GNE: variants seen among roughly 807,000 people sequenced by gnomAD.
GNE encodes glucosamine (UDP-N-acetyl)-2-epimerase/N-acetylmannosamine kinase.
GNE carries 41 observed loss-of-function variants against 61.8 expected under a neutral mutation model. The ratio of observed to expected loss-of-function variants is 0.66; its 90% CI spans 0.52 to 0.86. The LOEUF is 0.86. Ranked by LOEUF, GNE falls within the 40% of genes least tolerant of loss-of-function variation. GNE has a pLI of 0.00. For missense variants in GNE, 608 were observed against 909.1 expected (o/e 0.67, Z 4.26); for synonymous variants, 264 against 326.4 (o/e 0.81, Z 2.06).
rs147290887 is a variant in GNE at position 36,249,254 on chromosome 9, G to T, written c.102C>A (p.Thr34=). Residue 34 remains threonine, a synonymous_variant, in exon 2 of 12, where the codon ACC becomes ACA. Coordinates refer to ENST00000642385, the MANE Select transcript of GNE (RefSeq NM_005476.7). ...KLAPIMFGIK[T]EPEFFELDVV... ...CATCAAGTTCAAAGAACTCAGGTTC[G>T]GTTTTAATGCCAAACATGATCGGGG... is the stretch of plus-strand genomic sequence containing the variant. 9 of 1,614,004 alleles carry T rather than the reference G, an allele frequency of 5.6e-6. No individual in the cohort carries two copies. The African/African-American group carries it at 1.2e-4, about 22-fold the overall frequency.
rs531361508 is a variant in GNE at position 36,246,787 on chromosome 9, G to C, written c.165-305C>G. ...GGGTTCAAGCGATTCTCCTGCCTCA[G>C]CCTCCTGCGTAGCTGGGATTACAGG... is the stretch of plus-strand genomic sequence containing the variant. On this transcript the variant is annotated intron_variant, in intron 2 of 11. Coordinates refer to ENST00000642385, the MANE Select transcript of GNE (RefSeq NM_005476.7). Among the ~76,000 whole-genome samples, 418 of 149,758 alleles carry C rather than the reference G, an allele frequency of 2.8e-3. 1 individual carries two copies. The highest frequency in any genetic ancestry group is 9.4e-3 in the African/African-American group (384 of 40,682).
At chr9:36,248,081 C>T (rs1221842689) in intron 2 of GNE, among the ~76,000 whole-genome samples, 1 of 149,732 alleles carries the variant, frequency 6.7e-6, no homozygotes, top group Non-Finnish European at 1.5e-5. Context: ...CATTAAGTTT[C>T]TTCTCTACTC....
At chr9:36,242,093 G>T (rs1206348247) in intron 3 of GNE, among the ~76,000 whole-genome samples, 8 of 151,696 alleles carry the variant, frequency 5.3e-5, no homozygotes, top group Admixed American at 5.3e-4. Flanking sequence ...TCGAGACTGC[G>T]CTAATGCACT....
chr9:36,217,556 T>G lies in GNE; in HGVS notation c.1978A>C (p.Met660Leu). 1 of 1,614,108 alleles carries G rather than the reference T, an allele frequency of 6.2e-7. No individual in the cohort carries two copies. Among genetic ancestry groups the G allele is most frequent in the Non-Finnish European group, 8.5e-7 (1 of 1,179,954 alleles). ...GAGAGGATCACAAGGGAGGGATTCA[T>G]GGTATGGAGGATGTTCACAACCCCA... ...GLGVVNILHTMNPSLVILSGV... is the reference protein window; with the variant it reads ...GLGVVNILHTLNPSLVILSGV... Residue 660 changes from methionine to leucine, a missense_variant, in exon 12 of 12, where the codon ATG becomes CTG. Transcript: ENST00000642385.
At chr9:36,225,595 A>C (rs561404276) in intron 7 of GNE, among the ~76,000 whole-genome samples, 1 of 152,190 alleles carries the variant, frequency 6.6e-6, no homozygotes, top group Non-Finnish European at 1.5e-5. Flanking sequence ...AGATCACGCC[A>C]CTGCACTCCA....
At chr9:36,271,943 G>A (rs1447542184) in intron 1 of GNE, among the ~76,000 whole-genome samples, 3 of 152,094 alleles carry the variant, frequency 2.0e-5, no homozygotes, top group Non-Finnish European at 2.9e-5. Context: ...GTCAAAGGAG[G>A]ATCACATCTT....
At chr9:36,273,165 G>C (rs1265583302) in intron 1 of GNE, among the ~76,000 whole-genome samples, 2 of 152,010 alleles carry the variant, frequency 1.3e-5, no homozygotes, top group Non-Finnish European at 2.9e-5. Context: ...TTGAGGATCT[G>C]GAGGAAGATA....
At chr9:36,261,206 C>T (rs1468690474), upstream of GNE, among the ~76,000 whole-genome samples, 1 of 152,316 alleles carries the variant, frequency 6.6e-6, no homozygotes, top group Middle Eastern at 3.4e-3. Context: ...GTCCTGGTCA[C>T]ATCTGCAAAG....
At chr9:36,256,761 AT>A (rs986758197) in intron 1 of GNE, among the ~76,000 whole-genome samples, 2 of 152,190 alleles carry the variant, frequency 1.3e-5, no homozygotes, top group Admixed American at 6.5e-5. Context: ...AACAGTAAAC[AT>A]TTGCTGAGCG....
chr9:36,251,984 A>ACC (rs1401154516), intron 1 of GNE, among the ~76,000 whole-genome samples: 1 of 104,534 alleles, frequency 9.6e-6, no homozygotes, highest in African/African-American at 3.9e-5. Context: ...GCACTATCTG[A>ACC]TCTTTTTTTT....
At chr9:36,276,521 A>T (rs1831267752) in intron 1 of GNE, among the ~76,000 whole-genome samples, 1 of 152,216 alleles carries the variant, frequency 6.6e-6, no homozygotes, top group Admixed American at 6.5e-5. Flanking sequence ...ATGTTTCAAA[A>T]GGGAAGGAAA....
chr9:36,251,535 C>G (rs999320776), intron 1 of GNE, among the ~76,000 whole-genome samples: 3 of 152,238 alleles, frequency 2.0e-5, no homozygotes, highest in East Asian at 3.9e-4. Flanking sequence ...GCAACCCCCC[C>G]ACCTCAGCCT....
chr9:36,241,947 C>A (rs926657635), intron 3 of GNE, among the ~76,000 whole-genome samples: 1 of 151,894 alleles, frequency 6.6e-6, no homozygotes, highest in Non-Finnish European at 1.5e-5. Context: ...ACGAACTTGG[C>A]GAACATGATG....
In GNE at chr9:36,214,621, A is replaced by G. The variant is rs983592041; in HGVS notation, c.*2744T>C. The G allele has an allele frequency of 1.2e-4, 18 of 152,342 alleles. 1 individual carries two copies. Among genetic ancestry groups the G allele is most frequent in the African/African-American group, 3.8e-4 (16 of 41,586 alleles). The allele number at this position is 152,342 out of a possible 1,614,324, so 9.4% of individuals were successfully genotyped here. ...AATATTTGGTTTTAGATTCAATACCATCCTTTCAAATATTTGGTATGAAAC... is the reference window on the plus strand; with the variant it reads ...AATATTTGGTTTTAGATTCAATACCGTCCTTTCAAATATTTGGTATGAAAC... On this transcript the variant is annotated 3_prime_UTR_variant, in exon 12 of 12. Transcript: ENST00000642385.
upstream of GNE, among the ~76,000 whole-genome samples, chr9:36,261,192 C>G (rs764426220): frequency 1.3e-5 from 2 of 152,164 alleles, no homozygotes; most frequent in Non-Finnish European, 2.9e-5. Context: ...TTTTCCCTCT[C>G]AAAGTCCTGG....
intron 5 of GNE, among the ~76,000 whole-genome samples, chr9:36,232,873 G>A (rs1190648989): frequency 6.6e-6 from 1 of 152,174 alleles, no homozygotes; most frequent in East Asian, 1.9e-4. Flanking sequence ...CATGGTAGGT[G>A]TTTACTAAAT....
In GNE at chr9:36,247,738, A is replaced by T. The variant is rs1471955269; in HGVS notation, c.165-1256T>A. ...GCCAGAATTCATTTTATATTAAAAAAAAATCTGGACGGACGCAGTGGCTCA... is the reference window on the plus strand; with the variant it reads ...GCCAGAATTCATTTTATATTAAAAATAAATCTGGACGGACGCAGTGGCTCA... On this transcript the variant is annotated intron_variant, in intron 2 of 11. Coordinates refer to ENST00000642385, the MANE Select transcript of GNE (RefSeq NM_005476.7). Among the ~76,000 whole-genome samples the T allele has an allele frequency of 3.9e-5, 6 of 152,100 alleles. No individual in the cohort carries two copies. The South Asian group carries it at 6.2e-4, about 16-fold the overall frequency.
intron 3 of GNE, among the ~76,000 whole-genome samples, chr9:36,242,222 T>G (rs142941397): frequency 6.6e-6 from 1 of 152,062 alleles, no homozygotes; most frequent in Non-Finnish European, 1.5e-5. Flanking sequence ...TAAAATGTAT[T>G]ACTGCCCAGT....
chr9:36,254,607 T>A (rs758754095), intron 1 of GNE, among the ~76,000 whole-genome samples: 19 of 152,126 alleles, frequency 1.2e-4, no homozygotes, highest in Non-Finnish European at 2.5e-4. Context: ...TTTTCATCAG[T>A]ACTTACAATG....
Sources: gnomAD v4.1 joint callset for allele counts (sites outside exome capture counted in the v4.1 genomes callset) on GRCh38, gnomAD v4.1.1 for gene constraint, MANE v1.5 for transcripts, NCBI Gene and HGNC (gene_info 2026-07-23, HGNC 2026-07-21) for gene names.